The following C1GALT1 variants were observed in gnomAD, a reference collection of about 807,000 sequenced individuals.
C1GALT1 encodes the protein glycoprotein-N-acetylgalactosamine 3-beta-galactosyltransferase 1.
In C1GALT1, 11 loss-of-function variants were observed where a neutral mutation model predicts 31.0. The ratio of observed to expected loss-of-function variants is 0.36; its 90% CI spans 0.22 to 0.59. The LOEUF is 0.59. Ranked by LOEUF, C1GALT1 falls within the 20% of genes least tolerant of loss-of-function variation. C1GALT1 has a pLI of 0.79. For synonymous variants in C1GALT1, 175 were observed against 143.6 expected (o/e 1.22, Z -1.56); for missense variants, 424 against 425.2 (o/e 1.00, Z 0.03).
intron 1 of C1GALT1, among the ~76,000 whole-genome samples, chr7:7,191,974 C>G (rs1327812977): frequency 6.6e-6 from 1 of 152,002 alleles, no homozygotes; most frequent in African/African-American, 2.4e-5. Flanking sequence ...AATTTTTCAT[C>G]AAATCTAATT....
chr7:7,243,760 C>G lies in C1GALT1; in HGVS notation c.*33C>G. ...TCATGAATGAACAAAGGTAATATGT[C>G]TAGCACTGCACTGAAAAAGGACTTC... On this transcript the variant is annotated 3_prime_UTR_variant, in exon 4 of 4. Transcript: ENST00000436587. 1.4e-6 allele frequency: 2 copies of G among 1,468,424 alleles called. No individual in the cohort carries two copies. Among genetic ancestry groups the G allele is most frequent in the Non-Finnish European group, 1.9e-6 (2 of 1,079,660 alleles). The allele number at this position is 1,468,424 out of a possible 1,614,324, so 91.0% of individuals were successfully genotyped here.
chr7:7,171,007 T>C (rs62453513), intron 2 of C1GALT1, among the ~76,000 whole-genome samples: 20,913 of 152,230 alleles, frequency 0.14, 1,800 homozygotes, highest in Middle Eastern at 0.26. Context: ...TTAAAATTTA[T>C]TCACTTGTTT....
At chr7:7,225,626 G>A (rs1050461799) in intron 1 of C1GALT1, among the ~76,000 whole-genome samples, 1 of 152,160 alleles carries the variant, frequency 6.6e-6, no homozygotes, top group African/African-American at 2.4e-5. Flanking sequence ...TGTGTTTTTT[G>A]TGTTTAAGAA....
Position 7,230,749 on chromosome 7 carries a change from T to C in C1GALT1, c.-17-3554T>C, listed in dbSNP as rs79679405. Among the ~76,000 whole-genome samples the C allele has an allele frequency of 7.6e-3, 1,160 of 151,956 alleles. 12 individuals are homozygous for C. Among genetic ancestry groups the C allele is most frequent in the African/African-American group, 0.026 (1,099 of 41,496 alleles). ...AAGATTATATTAGACATCCTTGGTC[T>C]TTTAAAGGCTATTATTAATCAGTTT... On this transcript the variant is annotated intron_variant, in intron 1 of 3. Coordinates refer to ENST00000436587, the MANE Select transcript of C1GALT1 (RefSeq NM_020156.5).
intron 1 of C1GALT1, among the ~76,000 whole-genome samples, chr7:7,219,689 AAAT>A (rs1410057168): frequency 6.6e-6 from 1 of 152,220 alleles, no homozygotes; most frequent in Non-Finnish European, 1.5e-5. Flanking sequence ...CAATTTAGAA[AAAT>A]AATGTTAGTT....
intron 1 of C1GALT1, among the ~76,000 whole-genome samples, chr7:7,183,147 C>T (rs555510792): frequency 6.6e-6 from 1 of 152,102 alleles, no homozygotes; most frequent in Admixed American, 6.5e-5. Flanking sequence ...CGCTGCCTGG[C>T]GGCGCGGCGG....
Position 7,203,109 on chromosome 7 carries a change from G to A in C1GALT1, c.-18+20289G>A, listed in dbSNP as rs1449538480. On this transcript the variant is annotated intron_variant, in intron 1 of 3. Transcript: ENST00000436587. ...TCTAACAGGTTTTTTTTTTTTTTTG[G>A]AATCTTTAGGGTTCCCTGCATATAA... is the stretch of plus-strand genomic sequence containing the variant. 4.2e-5 allele frequency among the ~76,000 whole-genome samples: 4 copies of A among 95,212 alleles called. No homozygotes were observed. In the South Asian group the frequency reaches 1.2e-3, roughly 28 times the overall value. The allele number at this position is 95,212 out of a possible 152,430, so 62.5% of individuals were successfully genotyped here.
At chr7:7,175,165 T>C (rs1007253001) in intron 2 of C1GALT1, among the ~76,000 whole-genome samples, 12 of 152,216 alleles carry the variant, frequency 7.9e-5, no homozygotes, top group Admixed American at 2.6e-4. Flanking sequence ...AGTCAGTTTA[T>C]TTGATGCCTG....
chr7:7,206,221 A>AAAAC (rs35864164), intron 1 of C1GALT1, among the ~76,000 whole-genome samples: 65,529 of 151,668 alleles, frequency 0.43, 14,873 homozygotes, highest in East Asian at 0.78. Flanking sequence ...AGTTATGTAA[A>AAAAC]AAAATGTGGA....
At chr7:7,182,143 G>A (rs918941315), upstream of C1GALT1, among the ~76,000 whole-genome samples, 1 of 152,204 alleles carries the variant, frequency 6.6e-6, no homozygotes, top group African/African-American at 2.4e-5. Context: ...AGTAAAGAGA[G>A]CACGGGGAGA....
intron 1 of C1GALT1, among the ~76,000 whole-genome samples, chr7:7,197,327 G>A (rs7789121): frequency 0.15 from 23,557 of 152,062 alleles, 2,123 homozygotes; most frequent in East Asian, 0.37. Flanking sequence ...GTTTTTGTCG[G>A]GTTTGTCAAA....
chr7:7,232,920 G>T (rs1366137840), intron 1 of C1GALT1, among the ~76,000 whole-genome samples: 1 of 152,096 alleles, frequency 6.6e-6, no homozygotes, highest in Non-Finnish European at 1.5e-5. Flanking sequence ...CTGCAGACGG[G>T]TTTAGTGAGA....
chr7:7,166,616 T>G (rs370284255), intron 2 of C1GALT1, among the ~76,000 whole-genome samples: 39 of 152,304 alleles, frequency 2.6e-4, no homozygotes, highest in African/African-American at 8.7e-4. Context: ...TTATGCACTT[T>G]ATGTATACTT....
Position 7,202,778 on chromosome 7 carries a change from G to A in C1GALT1, c.-18+19958G>A, listed in dbSNP as rs2128236159. Among the ~76,000 whole-genome samples, 2 of 152,266 alleles carry A rather than the reference G, an allele frequency of 1.3e-5. 1 individual carries two copies. On this transcript the variant is annotated intron_variant, in intron 1 of 3. Transcript: ENST00000436587. The stretch of plus-strand genomic sequence containing the variant: ...TGCAGAAAGCATTGTTGGGATTTCA[G>A]TAGGAACTGCATTGAATCTGTAGGT...
chr7:7,243,949 T>C lies in C1GALT1; in HGVS notation c.*222T>C, dbSNP rs1235687420. On this transcript the variant is annotated 3_prime_UTR_variant, in exon 4 of 4. Transcript: ENST00000436587. ...TAATATATAAATATGTCTATATATATGAGGAACTTGTGTTTTTTAAATGGT... is the reference window on the plus strand; with the variant it reads ...TAATATATAAATATGTCTATATATACGAGGAACTTGTGTTTTTTAAATGGT... 1.7e-5 allele frequency: 5 copies of C among 298,098 alleles called. No homozygotes were observed. Among genetic ancestry groups the C allele is most frequent in the South Asian group, 1.1e-4 (1 of 9,212 alleles). The allele number at this position is 298,098 out of a possible 1,614,324, so 18.5% of individuals were successfully genotyped here.
At position 7,238,437 on chromosome 7, in the gene C1GALT1, A is replaced by G; in HGVS notation, c.403A>G (p.Lys135Glu). Residue 135 changes from lysine to glutamate, a missense_variant, in exon 3 of 4, where the codon AAA becomes GAA. Lys to Glu is a moderately conservative substitution (Grantham distance 56). This residue lies in a region of C1GALT1 where 189 missense variants were observed against 158.2 expected (regional missense o/e 1.19). Transcript: ENST00000436587. The surrounding 1 kb of genome is among the most constrained non-coding windows in gnomAD (Gnocchi z 5.2). ...TAAAGACTTCCCTGCTGTGGGACTG[A>G]AAACCAAAGAAGGCAGAGATCAACT... ...ENKDFPAVGL[K>E]TKEGRDQLYW... 6.2e-7 allele frequency: 1 copy of G among 1,613,962 alleles called. No individual in the cohort carries two copies. Among genetic ancestry groups the G allele is most frequent in the Non-Finnish European group, 8.5e-7 (1 of 1,179,962 alleles).
At chr7:7,241,688 TTTGA>T (rs1427761701) in intron 3 of C1GALT1, among the ~76,000 whole-genome samples, 1 of 151,968 alleles carries the variant, frequency 6.6e-6, no homozygotes, top group Non-Finnish European at 1.5e-5. Context: ...AACTTATTTG[TTTGA>T]TTTTCTTTTT....
At chr7:7,185,175 A>G (rs1780758041) in intron 1 of C1GALT1, among the ~76,000 whole-genome samples, 1 of 152,230 alleles carries the variant, frequency 6.6e-6, no homozygotes, top group South Asian at 2.1e-4. Flanking sequence ...GAAAGTCTAA[A>G]TAAATTATCT....
chr7:7,241,492 A>T (rs898238075), intron 3 of C1GALT1, among the ~76,000 whole-genome samples: 2 of 151,900 alleles, frequency 1.3e-5, no homozygotes, highest in Non-Finnish European at 2.9e-5. Context: ...TTGGCAACTC[A>T]TTTCTTTATC....
Sources: gnomAD v4.1 joint callset for allele counts (sites outside exome capture counted in the v4.1 genomes callset) on GRCh38, gnomAD v4.1.1 for gene constraint, gnomAD v4.1.1 regional missense constraint, Gnocchi (gnomAD v3.1) non-coding constraint, MANE v1.5 for transcripts, NCBI Gene and HGNC (gene_info 2026-07-23, HGNC 2026-07-21) for gene names.